The following STARD9 variants were observed in gnomAD, a reference collection of about 807,000 sequenced individuals.
STARD9 encodes the protein stAR-related lipid transfer protein 9.
A neutral mutation model predicts 399.8 loss-of-function variants in STARD9; 346 were observed. The observed-to-expected ratio is 0.87, with a 90% CI of 0.79 to 0.95. The LOEUF (loss-of-function observed/expected upper bound fraction) is 0.95, where lower values mean the gene tolerates loss of function less well. Ranked by LOEUF, STARD9 falls within the 40% of genes least tolerant of loss-of-function variation. STARD9 has a pLI of 0.00. For missense variants in STARD9, 5,832 were observed against 5,667.5 expected, an observed-to-expected ratio of 1.03 and a Z score of -0.93; for synonymous variants, 2,203 against 2,143.5, an observed-to-expected ratio of 1.03 and a Z score of -0.77.
At chr15:42,638,837 C>G (rs1566894679) in intron 7 of STARD9, 25 bp downstream of exon 7, 13 of 1,393,392 alleles carry the variant, frequency 9.3e-6, no homozygotes, top group African/African-American at 8.6e-5. Flanking sequence ...TCCTGGAGAT[C>G]TGAAACCAAA....
chr15:42,714,344 G>A (rs1169122348), intron 26 of STARD9, among the ~76,000 whole-genome samples: 5 of 152,078 alleles, frequency 3.3e-5, no homozygotes, highest in Non-Finnish European at 7.4e-5. Flanking sequence ...GGGATTACAG[G>A]CGTGAGCCAT....
intron 16 of STARD9, chr15:42,670,332 G>C (rs1340586981): frequency 1.3e-5 from 2 of 152,220 alleles, no homozygotes; most frequent in East Asian, 3.9e-4. Context: ...TCTAGAAAAA[G>C]ATTAAAGTTA....
intron 3 of STARD9, 120 bp from the exon 4 acceptor site, chr15:42,634,736 A>G (rs1366418247): frequency 2.4e-5 from 13 of 536,932 alleles, no homozygotes; most frequent in Admixed American, 1.0e-4. Context: ...ATGAAATGGT[A>G]GTGAATTAAT....
chr15:42,673,916 C>G (rs1165258141), intron 16 of STARD9: 3 of 456,080 alleles, frequency 6.6e-6, no homozygotes, highest in African/African-American at 6.0e-5. Flanking sequence ...GTGCTTTTAC[C>G]CTTCTTAGAA....
chr15:42,705,967 T>G (rs1288556662), intron 26 of STARD9, among the ~76,000 whole-genome samples: 1 of 151,340 alleles, frequency 6.6e-6, no homozygotes, highest in Non-Finnish European at 1.5e-5. Flanking sequence ...TGGCCAGGCT[T>G]TTCTCAAACT....
chr15:42,585,472 A>T (rs746252906), intron 2 of STARD9, 49 bp from the exon 3 acceptor site: 1 of 1,328,756 alleles, frequency 7.5e-7, no homozygotes, highest in African/African-American at 1.4e-5. Flanking sequence ...CACTGGCCAG[A>T]TTCTAATATT....
At chr15:42,591,483 A>G (rs930399499) in intron 3 of STARD9, among the ~76,000 whole-genome samples, 2 of 148,958 alleles carry the variant, frequency 1.3e-5, no homozygotes, top group Non-Finnish European at 2.9e-5. Flanking sequence ...GCAAGAGTCC[A>G]TCTTAAAAAA....
intron 4 of STARD9, among the ~76,000 whole-genome samples, chr15:42,636,366 A>G (rs1394100190): frequency 6.6e-6 from 1 of 151,942 alleles, no homozygotes; most frequent in Non-Finnish European, 1.5e-5. Context: ...GCAGATCACA[A>G]GGTCAGGAGT....
intron 9 of STARD9, among the ~76,000 whole-genome samples, chr15:42,655,529 G>A (rs1037270970): frequency 6.6e-6 from 1 of 152,158 alleles, no homozygotes; most frequent in African/African-American, 2.4e-5. Context: ...TAATTGGCAA[G>A]CCACATGTAA....
intron 26 of STARD9, among the ~76,000 whole-genome samples, chr15:42,697,223 C>A (rs2060864627): frequency 6.6e-6 from 1 of 152,036 alleles, no homozygotes; most frequent in African/African-American, 2.4e-5. Flanking sequence ...TTAAAAATAT[C>A]TTTGGGATAT....
In STARD9 at chr15:42,674,932, G is replaced by T. The variant is rs202074007; in HGVS notation, c.1655G>T (p.Arg552Leu). The stretch of plus-strand genomic sequence containing the variant: ...GGGGCCCGCTGTACAGTCAATGGCC[G>T]GGAGGTCACTGCCTCCTGCCGTCTG... The part of the protein sequence containing the change: ...ARGARCTVNG[R>L]EVTASCRLTQ... Residue 552 changes from arginine to leucine, a missense_variant, in exon 18 of 33, where the codon CGG becomes CTG. Arg to Leu is a moderately radical substitution (Grantham distance 102). This residue lies in a region of STARD9 where 5,828 missense variants were observed against 5,651.1 expected (regional missense o/e 1.03). Transcript: ENST00000290607. 2.2e-3 allele frequency: 3,341 copies of T among 1,536,438 alleles called. 6 individuals carry two copies. The highest frequency in any genetic ancestry group is 2.5e-3 in the Non-Finnish European group (2,918 of 1,146,558).
At chr15:42,652,973 C>T (rs1405025838) in intron 9 of STARD9, among the ~76,000 whole-genome samples, 7 of 152,102 alleles carry the variant, frequency 4.6e-5, no homozygotes, top group East Asian at 3.9e-4. Flanking sequence ...CCATCGTTCC[C>T]GGCCCTGTTT....
At chr15:42,627,192 A>G (rs2059243562) in intron 3 of STARD9, among the ~76,000 whole-genome samples, 1 of 152,124 alleles carries the variant, frequency 6.6e-6, no homozygotes, top group Non-Finnish European at 1.5e-5. Flanking sequence ...GCTACTTGGG[A>G]GGCTAAGGTG....
Position 42,687,332 on chromosome 15 carries a change from A to G in STARD9, c.5754A>G (p.Glu1918=). ...LLFRESEARE[E]EELDQNTVLR... ...TTCGTGAATCTGAGGCACGAGAGGA[A>G]GAAGAGCTGGATCAGAATACGGTTC... The change falls in exon 23 of 33, where the codon GAA becomes GAG. Residue 1918 remains glutamate, a synonymous_variant. Coordinates refer to ENST00000290607, the MANE Select transcript of STARD9 (RefSeq NM_020759.3). 2 of 1,536,712 alleles carry G rather than the reference A, an allele frequency of 1.3e-6. No homozygotes were observed. Among genetic ancestry groups the G allele is most frequent in the Non-Finnish European group, 8.7e-7 (1 of 1,146,870 alleles).
rs547176297 is a variant in STARD9 at position 42,674,598 on chromosome 15, T to C, written c.1549+107T>C. 7 of 1,244,666 alleles carry C rather than the reference T, an allele frequency of 5.6e-6. No homozygotes were observed. In the East Asian group the frequency reaches 1.8e-4, roughly 32 times the overall value. The allele number at this position is 1,244,666 out of a possible 1,614,324, so 77.1% of individuals were successfully genotyped here. ...TCTGAGAAGAAGGGAATCATTGGCG[T>C]ATTCAGGGCCTGCTTCTCTTTCTGC... is the stretch of plus-strand genomic sequence containing the variant. On this transcript the variant is annotated intron_variant, in intron 17 of 32. Coordinates refer to ENST00000290607, the MANE Select transcript of STARD9 (RefSeq NM_020759.3).
chr15:42,633,696 G>A lies in STARD9; in HGVS notation c.235-1160G>A, dbSNP rs936002207. ...TCTCACTCTGTCGCCTAGGCTGGAG[G>A]GCAGTGGCACGATCTCAGCTCATTG... On this transcript the variant is annotated intron_variant, in intron 3 of 32. Coordinates refer to ENST00000290607, the MANE Select transcript of STARD9 (RefSeq NM_020759.3). Among the ~76,000 whole-genome samples the A allele has an allele frequency of 9.3e-5, 14 of 150,520 alleles. 1 individual carries two copies. The highest frequency in any genetic ancestry group is 4.0e-4 in the Admixed American group (6 of 15,116).
At position 42,691,227 on chromosome 15, in the gene STARD9, G is replaced by A. The variant is rs901289016; in HGVS notation, c.9649G>A (p.Asp3217Asn). Residue 3217 changes from aspartate to asparagine, a missense_variant, in exon 23 of 33, where the codon GAC becomes AAC. Around this residue, in one of 2 missense-constraint regions of STARD9, gnomAD observed 5,828 missense variants for 5,651.1 expected, o/e 1.03. Coordinates refer to ENST00000290607, the MANE Select transcript of STARD9 (RefSeq NM_020759.3). ...SPWQEEEQHR[D>N]QASGGGEGFA... is the part of the protein sequence containing the mutation. Reference sequence around the variant, plus strand: ...CTGGCAGGAAGAAGAGCAGCACAGAGACCAGGCTTCAGGTGGTGGAGAAGG... The same window carrying A: ...CTGGCAGGAAGAAGAGCAGCACAGAAACCAGGCTTCAGGTGGTGGAGAAGG... 11 of 1,537,122 alleles carry A rather than the reference G, an allele frequency of 7.2e-6. No individual in the cohort carries two copies. In the African/African-American group the frequency reaches 1.2e-4, roughly 17 times the overall value.
At chr15:42,703,270 T>A (rs2061005172) in intron 26 of STARD9, among the ~76,000 whole-genome samples, 1 of 152,220 alleles carries the variant, frequency 6.6e-6, no homozygotes, top group South Asian at 2.1e-4. Flanking sequence ...TTCCCTGTTA[T>A]TATTGCTTTG....
chr15:42,718,462 G>A lies in STARD9; in HGVS notation c.13790G>A (p.Cys4597Tyr). ...TACTTGGTGTGCAACACCACCCTGT[G>A]CGCACTGAAGCAGCCACGGGATTTC... ...LVYLVCNTTLCALKQPRDFCC... is the reference protein window; with the variant it reads ...LVYLVCNTTLYALKQPRDFCC... Residue 4597 changes from cysteine (C) to tyrosine (Y), a missense_variant, in exon 31 of 33, where the codon TGC (cysteine) becomes TAC (tyrosine). Transcript: ENST00000290607. 1 of 1,537,216 alleles carries A rather than the reference G, an allele frequency of 6.5e-7. No individual in the cohort carries two copies. The highest frequency in any genetic ancestry group is 1.2e-5 in the South Asian group (1 of 84,058).
Sources: gnomAD v4.1 joint callset for allele counts (sites outside exome capture counted in the v4.1 genomes callset) on GRCh38, gnomAD v4.1.1 for gene constraint, gnomAD v4.1.1 regional missense constraint, MANE v1.5 for transcripts, NCBI Gene and HGNC (gene_info 2026-07-23, HGNC 2026-07-21) for gene names.